LAMB3: variants seen among roughly 807,000 people sequenced by gnomAD.
The protein encoded by LAMB3 is laminin subunit beta 3.
In LAMB3, 104 loss-of-function variants were observed where a neutral mutation model predicts 140.3. That is an observed-to-expected ratio of 0.74 (90% CI 0.63 to 0.87). LAMB3 has a LOEUF of 0.87. Ranked by LOEUF, LAMB3 falls within the 40% of genes least tolerant of loss-of-function variation. The pLI, the probability that LAMB3 is intolerant of heterozygous loss-of-function variation, is 0.00. For missense variants in LAMB3, 1,531 were observed against 1,575.2 expected (o/e 0.97, Z 0.47); for synonymous variants, 592 against 602.9 (o/e 0.98, Z 0.26).
At chr1:209,635,283 C>T (rs535371851) in intron 5 of LAMB3, among the ~76,000 whole-genome samples, 1 of 152,322 alleles carries the variant, frequency 6.6e-6, no homozygotes, top group East Asian at 1.9e-4. Flanking sequence ...CAGGCCCAGG[C>T]CTGTCTCTCC....
intron 8 of LAMB3, 21 bp from the exon 9 acceptor site, chr1:209,630,756 C>G (rs1309035406): frequency 6.2e-7 from 1 of 1,612,876 alleles, no homozygotes; most frequent in Admixed American, 1.7e-5. Flanking sequence ...GACCGTCAGC[C>G]ATCAGGAGTA....
chr1:209,625,804 G>C lies in LAMB3; in HGVS notation c.1820C>G (p.Ala607Gly). The C allele has an allele frequency of 2.5e-6, 4 of 1,614,164 alleles. No homozygotes were observed. Among genetic ancestry groups the C allele is most frequent in the Non-Finnish European group, 3.4e-6 (4 of 1,180,030 alleles). Residue 607 changes from alanine to glycine, a missense_variant, in exon 14 of 23, where the codon GCC becomes GGC. Physicochemically the swap from Ala to Gly is moderately conservative, Grantham distance 60. Transcript: ENST00000356082. ...CAGCCCAGGCCCTGACCACAGGCTG[G>C]CGGTGGCATTGCGGAGTCTACCAAA... ...LRFGRLRNAT[A>G]SLWSGPGLED...
chr1:209,628,219 G>A, intron 10 of LAMB3, 29 bp from the exon 11 acceptor site: 1 of 1,551,096 alleles, frequency 6.4e-7, no homozygotes, highest in Non-Finnish European at 8.7e-7. Context: ...CACCGCAGTA[G>A]GAACAAAGAA....
intron 17 of LAMB3, 53 bp from the exon 18 acceptor site, chr1:209,622,733 A>G: frequency 6.2e-7 from 1 of 1,609,330 alleles, no homozygotes; most frequent in Non-Finnish European, 8.5e-7. Flanking sequence ...GGAACCTCTC[A>G]GCAGCCCCAC....
Position 209,632,597 on chromosome 1 carries a change from AGG to A in LAMB3, c.806_807del (p.Pro269LeufsTer22). 2 of 1,613,592 alleles carry A rather than the reference AGG, an allele frequency of 1.2e-6. No homozygotes were observed. The highest frequency in any genetic ancestry group is 1.7e-6 in the Non-Finnish European group (2 of 1,179,552). On this transcript the variant is annotated frameshift_variant, in exon 8 of 23. Coordinates refer to ENST00000356082, the MANE Select transcript of LAMB3 (RefSeq NM_000228.3). LOFTEE classifies it high-confidence loss of function. ...TAGGCTGTTACCTGCACAGCGGTGG[AGG>A]GGCCTGCAGAGGCCCCAGGCTTGGG... The part of the protein sequence containing the change: ...CAPKPGASAG[P>X]STAVQVHDVC...
In LAMB3 at chr1:209,628,028, T is replaced by TA; in HGVS notation, c.1288+6dup. The TA allele has an allele frequency of 1.3e-6, 2 of 1,599,228 alleles. No homozygotes were observed. The highest frequency in any genetic ancestry group is 1.7e-6 in the Non-Finnish European group (2 of 1,172,432). Reference sequence around the variant, plus strand: ...CCACGTCATGCTGGGCCAAGCCCCCTACTCACGGTGGCAGCCCTGCGGGTT... The same window carrying TA: ...CCACGTCATGCTGGGCCAAGCCCCCTAACTCACGGTGGCAGCCCTGCGGGTT... On this transcript the variant is annotated splice_region_variant and intron_variant, in intron 11 of 22. Transcript: ENST00000356082.
intron 3 of LAMB3, among the ~76,000 whole-genome samples, chr1:209,648,824 A>G (rs185355132): frequency 1.4e-3 from 214 of 152,240 alleles, no homozygotes; most frequent in African/African-American, 4.8e-3. Flanking sequence ...GGGTGGAGGG[A>G]ACAGCCAAAA....
chr1:209,616,147 C>T (rs1665952989), intron 22 of LAMB3, among the ~76,000 whole-genome samples: 2 of 152,180 alleles, frequency 1.3e-5, no homozygotes, highest in Non-Finnish European at 2.9e-5. Flanking sequence ...TATTCAACCC[C>T]TATCAGAGAC....
chr1:209,622,003 G>T (rs989176755), intron 18 of LAMB3, among the ~76,000 whole-genome samples: 6 of 152,200 alleles, frequency 3.9e-5, no homozygotes, highest in African/African-American at 1.4e-4. Context: ...CAAACAGATC[G>T]GATGGTCAGG....
chr1:209,625,461 G>A (rs1666400746), intron 14 of LAMB3, among the ~76,000 whole-genome samples, 187 bp downstream of exon 14: 1 of 152,188 alleles, frequency 6.6e-6, no homozygotes, highest in Non-Finnish European at 1.5e-5. Flanking sequence ...ACCTGTCTGT[G>A]CCTGTTTTCT....
intron 12 of LAMB3, 56 bp from the exon 13 acceptor site, chr1:209,627,034 G>A: frequency 7.9e-7 from 1 of 1,270,322 alleles, no homozygotes; most frequent in East Asian, 2.5e-5. Flanking sequence ...GCCTTACCCT[G>A]GTGTCAGGGA....
intron 22 of LAMB3, 107 bp downstream of exon 22, chr1:209,616,364 C>A: frequency 7.8e-7 from 1 of 1,286,866 alleles, no homozygotes; most frequent in Non-Finnish European, 1.1e-6. Context: ...GATCTCACTC[C>A]CATAGCACGG....
intron 18 of LAMB3, among the ~76,000 whole-genome samples, chr1:209,619,226 G>A (rs192706218): frequency 4.6e-5 from 7 of 152,272 alleles, no homozygotes; most frequent in Admixed American, 1.3e-4. Flanking sequence ...ACACCTTATC[G>A]TCCCTCCCTG....
chr1:209,627,469 GA>G lies in LAMB3; in HGVS notation c.1398del (p.Tyr468ThrfsTer42). The G allele has an allele frequency of 6.2e-7, 1 of 1,613,976 alleles. No individual in the cohort carries two copies. Among genetic ancestry groups the G allele is most frequent in the East Asian group, 2.2e-5 (1 of 44,848 alleles). On this transcript the variant is annotated frameshift_variant, in exon 12 of 23. Coordinates refer to ENST00000356082, the MANE Select transcript of LAMB3 (RefSeq NM_000228.3). LOFTEE classifies it high-confidence loss of function. ...CCACTGGCCAGCTTCCAGTGGTAGG[GA>G]GCACACTGGTCACATTTGGGACCCA... ...NVVGPKCDQC[A>X]PYHWKLASGQ...
chr1:209,628,911 G>A (rs1368181056), intron 10 of LAMB3, among the ~76,000 whole-genome samples: 1 of 152,106 alleles, frequency 6.6e-6, no homozygotes, highest in Non-Finnish European at 1.5e-5. Flanking sequence ...TACAGAGGAG[G>A]AAACCGAGGC....
At chr1:209,621,176 A>G (rs1666177010) in intron 18 of LAMB3, among the ~76,000 whole-genome samples, 1 of 152,246 alleles carries the variant, frequency 6.6e-6, no homozygotes, top group Non-Finnish European at 1.5e-5. Context: ...CACTGAGGCC[A>G]GAGCCCTGGC....
At chr1:209,630,008 T>A (rs1250204074) in intron 9 of LAMB3, 83 bp from the exon 10 acceptor site, 1 of 1,331,856 alleles carries the variant, frequency 7.5e-7, no homozygotes, top group Non-Finnish European at 1.1e-6. Flanking sequence ...CTCACTGGCA[T>A]CTGTAACAAC....
intron 22 of LAMB3, among the ~76,000 whole-genome samples, chr1:209,615,905 A>G (rs1665943528): frequency 6.6e-6 from 1 of 151,896 alleles, no homozygotes; most frequent in Admixed American, 6.6e-5. Context: ...AGTCATGTTG[A>G]CCTCATGCCA....
rs2229465 is a variant in LAMB3 at position 209,625,860 on chromosome 1, A to G, written c.1764T>C (p.Tyr588=). 0.039 allele frequency: 62,372 copies of G among 1,614,000 alleles called. 3,439 individuals are homozygous for G. Among genetic ancestry groups the G allele is most frequent in the East Asian group, 0.3 (13,553 of 44,862 alleles). The change falls in exon 14 of 23, where the codon TAT becomes TAC. Residue 588 remains tyrosine, a synonymous_variant. Transcript: ENST00000356082. ...CVACHPCFQT[Y]DADLREQALR... is the part of the protein sequence containing the mutation. ...GGGCCTGCTCCCGGAGGTCCGCATC[A>G]TAGGTCTGGAAGCAAGGGTGGCAGG...
Sources: allele counts gnomAD v4.1 joint callset (sites outside exome capture counted in the v4.1 genomes callset), GRCh38; gene constraint gnomAD v4.1.1; transcripts MANE v1.5; gene names NCBI Gene and HGNC (gene_info 2026-07-23, HGNC 2026-07-21).